RAB6B: variants seen among roughly 807,000 people sequenced by gnomAD.
RAB6B encodes the protein ras-related protein Rab-6B.
In RAB6B, 7 loss-of-function variants were observed where a neutral mutation model predicts 31.2. The ratio of observed to expected loss-of-function variants is 0.22; its 90% CI spans 0.13 to 0.42. The LOEUF is 0.42. RAB6B is among the 10% of genes least tolerant of loss of function. RAB6B has a pLI of 1.00. For synonymous variants in RAB6B, 105 were observed against 104.9 expected (o/e 1.00, Z -0.01); for missense variants, 149 against 280.6 (o/e 0.53, Z 3.35).
chr3:133,876,774 G>A (rs2692681), intron 1 of RAB6B, among the ~76,000 whole-genome samples: 88,786 of 151,984 alleles, frequency 0.58, 26,565 homozygotes, highest in African/African-American at 0.72. Context: ...GTTGCCACTT[G>A]GAGGGCAAGT....
intron 2 of RAB6B, among the ~76,000 whole-genome samples, chr3:133,863,343 G>A (rs1287353935): frequency 2.6e-5 from 4 of 152,204 alleles, no homozygotes; most frequent in African/African-American, 9.6e-5. Context: ...AAGGCAAGGA[G>A]GATAATTGGT....
At chr3:133,855,371 A>G (rs1936059784) in intron 2 of RAB6B, among the ~76,000 whole-genome samples, 1 of 152,230 alleles carries the variant, frequency 6.6e-6, no homozygotes, top group South Asian at 2.1e-4. Context: ...CAAAGTCTGT[A>G]TGGTCCTGGA....
chr3:133,886,454 G>A (rs964823029), intron 1 of RAB6B, among the ~76,000 whole-genome samples: 2 of 152,302 alleles, frequency 1.3e-5, no homozygotes, highest in South Asian at 2.1e-4. Flanking sequence ...AGGAAGTAAC[G>A]GAGCTGTGAA....
chr3:133,850,464 C>T (rs561940043), intron 2 of RAB6B, among the ~76,000 whole-genome samples: 56 of 152,044 alleles, frequency 3.7e-4, no homozygotes, highest in Admixed American at 5.2e-4. Flanking sequence ...ATAATAAAGG[C>T]GCAGATTTAA....
intron 1 of RAB6B, among the ~76,000 whole-genome samples, chr3:133,869,452 A>G (rs1233118949): frequency 6.6e-6 from 1 of 152,250 alleles, no homozygotes; most frequent in Non-Finnish European, 1.5e-5. Context: ...TGTCAGCCAC[A>G]TGGAGGAGCA....
At chr3:133,849,477 G>A (rs932561336) in intron 2 of RAB6B, among the ~76,000 whole-genome samples, 3 of 152,254 alleles carry the variant, frequency 2.0e-5, no homozygotes, top group Non-Finnish European at 4.4e-5. Context: ...GGGAGGTTGT[G>A]CTGTCCAGGA....
At chr3:133,862,130 GA>G (rs5852768) in intron 2 of RAB6B, among the ~76,000 whole-genome samples, 45,305 of 144,924 alleles carry the variant, frequency 0.31, 7,568 homozygotes, top group African/African-American at 0.46. Flanking sequence ...CTGCAATATT[GA>G]AAAAAAAAAA....
intron 2 of RAB6B, among the ~76,000 whole-genome samples, chr3:133,850,897 C>A (rs545117876): frequency 1.1e-3 from 164 of 151,578 alleles, no homozygotes; most frequent in African/African-American, 3.8e-3. Flanking sequence ...AAAGAAAAAT[C>A]TTGACAGTAG....
chr3:133,867,239 T>C (rs1936250901), intron 1 of RAB6B, among the ~76,000 whole-genome samples: 3 of 152,324 alleles, frequency 2.0e-5, no homozygotes, highest in South Asian at 2.1e-4. Context: ...TGGCCAGAGC[T>C]GATATTTTCT....
chr3:133,854,277 T>A (rs1361646333), intron 2 of RAB6B, among the ~76,000 whole-genome samples: 1 of 152,226 alleles, frequency 6.6e-6, no homozygotes, highest in Non-Finnish European at 1.5e-5. Context: ...TAGCTTGCCA[T>A]GGAGTCTTGG....
At chr3:133,862,500 C>T (rs1481642576) in intron 2 of RAB6B, among the ~76,000 whole-genome samples, 2 of 152,206 alleles carry the variant, frequency 1.3e-5, no homozygotes, top group Non-Finnish European at 2.9e-5. Context: ...AAGGGCCTCG[C>T]TGCTCAGACC....
At chr3:133,888,392 A>G (rs952370694) in intron 1 of RAB6B, among the ~76,000 whole-genome samples, 1 of 152,238 alleles carries the variant, frequency 6.6e-6, no homozygotes, top group Non-Finnish European at 1.5e-5. Flanking sequence ...CATGTGAGGA[A>G]GGACACAGGC....
chr3:133,832,792 A>G (rs1422648958), intron 7 of RAB6B, among the ~76,000 whole-genome samples: 1 of 152,216 alleles, frequency 6.6e-6, no homozygotes, highest in African/African-American at 2.4e-5. Flanking sequence ...ACAGGTCACA[A>G]CACCCTGTGC....
At chr3:133,860,581 C>A (rs569123778) in intron 2 of RAB6B, among the ~76,000 whole-genome samples, 2 of 152,198 alleles carry the variant, frequency 1.3e-5, no homozygotes, top group Non-Finnish European at 2.9e-5. Flanking sequence ...CAGGGCGGAG[C>A]GGCAGGAATG....
At chr3:133,878,418 C>G (rs903980382) in intron 1 of RAB6B, among the ~76,000 whole-genome samples, 1 of 152,302 alleles carries the variant, frequency 6.6e-6, no homozygotes, top group Non-Finnish European at 1.5e-5. Context: ...ACCTGTTAAC[C>G]TAGAATTCTA....
chr3:133,874,808 T>G (rs1264773616), intron 1 of RAB6B, among the ~76,000 whole-genome samples: 1 of 152,190 alleles, frequency 6.6e-6, no homozygotes, highest in Non-Finnish European at 1.5e-5. Flanking sequence ...TAATTTTTTT[T>G]TTTTTACCTT....
At chr3:133,835,786 T>G (rs561478272) in intron 6 of RAB6B, among the ~76,000 whole-genome samples, 2 of 152,040 alleles carry the variant, frequency 1.3e-5, no homozygotes, top group African/African-American at 4.8e-5. Context: ...GGAGCCTGTC[T>G]GCCCCTTCCA....
chr3:133,855,492 A>C (rs1350217468), intron 2 of RAB6B, among the ~76,000 whole-genome samples: 15 of 152,184 alleles, frequency 9.9e-5, no homozygotes, highest in Non-Finnish European at 2.1e-4. Context: ...ATACACCTTC[A>C]AATTTTAAAT....
intron 1 of RAB6B, among the ~76,000 whole-genome samples, chr3:133,866,298 C>T (rs1380001483): frequency 2.6e-5 from 4 of 152,152 alleles, no homozygotes; most frequent in Non-Finnish European, 5.9e-5. Context: ...GGTGGCAGCT[C>T]CTGGCCCAGG....
Sources: gnomAD v4.1 joint callset for allele counts (sites outside exome capture counted in the v4.1 genomes callset) on GRCh38, gnomAD v4.1.1 for gene constraint, MANE v1.5 for transcripts, NCBI Gene and HGNC (gene_info 2026-07-23, HGNC 2026-07-21) for gene names.